FCF1: variants seen among roughly 807,000 people sequenced by gnomAD.
The protein encoded by FCF1 is FCF1 rRNA-processing protein.
Under a neutral mutation model 32.5 loss-of-function variants are expected in FCF1, and 17 were observed. The ratio of observed to expected loss-of-function variants is 0.52; its 90% CI spans 0.36 to 0.78. The LOEUF (loss-of-function observed/expected upper bound fraction) is 0.78. FCF1 is among the 30% of genes least tolerant of loss of function. FCF1 has a pLI of 0.00. For missense variants in FCF1, 201 were observed against 241.1 expected (o/e 0.83, Z 1.10); for synonymous variants, 84 against 78.4 (o/e 1.07, Z -0.38).
intron 5 of FCF1, among the ~76,000 whole-genome samples, chr14:74,723,842 A>G (rs1004730579): frequency 1.1e-4 from 17 of 151,896 alleles, no homozygotes; most frequent in African/African-American, 2.9e-4. Context: ...AAAAAAAAAA[A>G]AGAGAAAATA....
chr14:74,728,608 A>T (rs1017166549), intron 5 of FCF1, among the ~76,000 whole-genome samples: 1 of 151,960 alleles, frequency 6.6e-6, no homozygotes, highest in Admixed American at 6.6e-5. Flanking sequence ...TCTCCTGCCT[A>T]ATTGCCCTGG....
intron 4 of FCF1, among the ~76,000 whole-genome samples, chr14:74,717,856 C>T (rs1198537640): frequency 6.6e-6 from 1 of 152,098 alleles, no homozygotes; most frequent in African/African-American, 2.4e-5. Context: ...TAGCTTTAGT[C>T]TTATGGCTTT....
At chr14:74,721,122 G>A (rs1414496424) in intron 4 of FCF1, among the ~76,000 whole-genome samples, 2 of 149,170 alleles carry the variant, frequency 1.3e-5, no homozygotes, top group Non-Finnish European at 3.0e-5. Flanking sequence ...TCGGCTCACT[G>A]CAACCTCTGC....
At chr14:74,731,943 A>G (rs1270161562) in intron 5 of FCF1, among the ~76,000 whole-genome samples, 1 of 152,162 alleles carries the variant, frequency 6.6e-6, no homozygotes, top group Non-Finnish European at 1.5e-5. Context: ...AAAATAATAC[A>G]TGTTTGAGTG....
intron 5 of FCF1, among the ~76,000 whole-genome samples, chr14:74,723,593 C>T (rs952912429): frequency 7.2e-5 from 11 of 151,946 alleles, no homozygotes; most frequent in Non-Finnish European, 1.2e-4. Context: ...CTTTGGGAGG[C>T]CGAGGCAGGC....
intron 5 of FCF1, among the ~76,000 whole-genome samples, chr14:74,730,001 C>G (rs2090613667): frequency 6.6e-6 from 1 of 151,852 alleles, no homozygotes. Context: ...TTTATATTTG[C>G]TGAGGAGAGC....
chr14:74,716,234 G>A (rs2287400), intron 4 of FCF1, 135 bp downstream of exon 4: 551,140 of 814,218 alleles, frequency 0.68, 186,672 homozygotes, highest in Admixed American at 0.76. Flanking sequence ...CACCATAGCA[G>A]TGACCATGTT....
intron 5 of FCF1, 89 bp downstream of exon 5, chr14:74,723,433 G>T: frequency 1.0e-6 from 1 of 958,556 alleles, no homozygotes; most frequent in Non-Finnish European, 1.6e-6. Flanking sequence ...CCAGTTAGTT[G>T]TGAAAATCAT....
chr14:74,716,240 A>C, intron 4 of FCF1, 141 bp downstream of exon 4: 1 of 720,014 alleles, frequency 1.4e-6, no homozygotes, highest in Non-Finnish European at 2.3e-6. Context: ...AGCAGTGACC[A>C]TGTTTAATGA....
chr14:74,715,097 G>A (rs1213635005), intron 3 of FCF1, among the ~76,000 whole-genome samples, 154 bp downstream of exon 3: 1 of 152,052 alleles, frequency 6.6e-6, no homozygotes, highest in African/African-American at 2.4e-5. Context: ...CAATTCTAGT[G>A]GTTTGAAGGT....
At chr14:74,718,768 G>T (rs1293531367) in intron 4 of FCF1, among the ~76,000 whole-genome samples, 1 of 151,944 alleles carries the variant, frequency 6.6e-6, no homozygotes, top group Non-Finnish European at 1.5e-5. Context: ...CACCACGCCT[G>T]GCCAGTATTA....
At chr14:74,718,635 A>T (rs929100481) in intron 4 of FCF1, among the ~76,000 whole-genome samples, 1 of 151,566 alleles carries the variant, frequency 6.6e-6, no homozygotes, top group African/African-American at 2.4e-5. Context: ...TGCCACTCCC[A>T]GCTAATTTTT....
chr14:74,734,128 G>A lies in FCF1; in HGVS notation c.506G>A (p.Arg169His), dbSNP rs777442774. The A allele has an allele frequency of 1.5e-5, 24 of 1,613,664 alleles. No individual in the cohort carries two copies. Among genetic ancestry groups the A allele is most frequent in the South Asian group, 1.1e-4 (10 of 91,054 alleles). Reference protein sequence around the residue: ...TVDRDLKRRIRKIPGVPIMYI... With the variant: ...TVDRDLKRRIHKIPGVPIMYI... The stretch of plus-strand genomic sequence containing the variant: ...GACCGGGACCTGAAAAGAAGAATCC[G>A]TAAGATTCCTGGAGTTCCTATCATG... Residue 169 changes from arginine to histidine, a missense_variant, in exon 7 of 8, where the codon CGT (arginine) becomes CAT (histidine). Physicochemically the swap from Arg to His is conservative, Grantham distance 29. Around this residue, in one of 3 missense-constraint regions of FCF1, gnomAD observed 121 missense variants for 147.8 expected, o/e 0.82. Transcript: ENST00000341162.
At chr14:74,719,751 C>A (rs887312003) in intron 4 of FCF1, among the ~76,000 whole-genome samples, 1 of 152,006 alleles carries the variant, frequency 6.6e-6, no homozygotes, top group Non-Finnish European at 1.5e-5. Flanking sequence ...GGTGACGGAA[C>A]AAGAACCTGT....
In FCF1 at chr14:74,713,511, T is replaced by C; in HGVS notation, c.30T>C (p.Tyr10=). 1 of 1,612,522 alleles carries C rather than the reference T, an allele frequency of 6.2e-7. No homozygotes were observed. Residue 10 remains tyrosine (Y), a synonymous_variant, in exon 2 of 8, where the codon TAT becomes TAC. Transcript: ENST00000341162. Reference sequence around the variant, plus strand: ...GGAAGCAAAAGAAAACAAGGAAGTATGCGACCATGAAGCGAATGCTTAGTC... The same window carrying C: ...GGAAGCAAAAGAAAACAAGGAAGTACGCGACCATGAAGCGAATGCTTAGTC... MGKQKKTRK[Y]ATMKRMLSLR...
intron 2 of FCF1, 113 bp from the exon 3 acceptor site, chr14:74,714,759 T>C (rs2090391905): frequency 2.9e-6 from 4 of 1,368,208 alleles, no homozygotes; most frequent in Non-Finnish European, 3.9e-6. Flanking sequence ...TATCACAAAG[T>C]AGGATTTCTT....
At chr14:74,723,432 T>C in intron 5 of FCF1, 88 bp downstream of exon 5, 1 of 978,790 alleles carries the variant, frequency 1.0e-6, no homozygotes, top group Non-Finnish European at 1.5e-6. Context: ...GCCAGTTAGT[T>C]GTGAAAATCA....
chr14:74,715,242 G>A (rs191635985), intron 3 of FCF1, among the ~76,000 whole-genome samples: 1 of 152,026 alleles, frequency 6.6e-6, no homozygotes, highest in Admixed American at 6.6e-5. Flanking sequence ...GTTCATAAAA[G>A]AGAGACTGTA....
chr14:74,730,247 C>T (rs1481880597), intron 5 of FCF1, among the ~76,000 whole-genome samples: 6 of 132,806 alleles, frequency 4.5e-5, no homozygotes, highest in Non-Finnish European at 7.7e-5. Flanking sequence ...GATTCTCACT[C>T]TGTCGCCCAG....
Sources: gnomAD v4.1 joint callset for allele counts (sites outside exome capture counted in the v4.1 genomes callset) on GRCh38, gnomAD v4.1.1 for gene constraint, gnomAD v4.1.1 regional missense constraint, MANE v1.5 for transcripts, NCBI Gene and HGNC (gene_info 2026-07-23, HGNC 2026-07-21) for gene names.